Variants in TTLL12 observed in about 807,000 individuals in gnomAD.
TTLL12 encodes tubulin--tyrosine ligase-like protein 12.
TTLL12 carries 77 observed loss-of-function variants against 79.6 expected under a neutral mutation model. The ratio of observed to expected loss-of-function variants is 0.97; its 90% CI spans 0.81 to 1.17. The LOEUF (loss-of-function observed/expected upper bound fraction) is 1.17, where lower values mean the gene tolerates loss of function less well. TTLL12 is among the 50% of genes most tolerant of loss of function. The probability of loss-of-function intolerance (pLI) is 0.00; values close to 1 mark genes in which losing one functional copy is unlikely to be tolerated. For synonymous variants in TTLL12, 437 were observed against 376.1 expected (o/e 1.16, Z -1.87); for missense variants, 969 against 895.9 (o/e 1.08, Z -1.04).
Position 43,186,956 on chromosome 22 carries a change from C to T in TTLL12, c.114G>A (p.Ala38=). The T allele has an allele frequency of 7.4e-7, 1 of 1,350,264 alleles. No homozygotes were observed. Among genetic ancestry groups the T allele is most frequent in the South Asian group, 1.7e-5 (1 of 59,686 alleles). 83.6% of individuals were successfully genotyped at this position (1,350,264 alleles called of 1,614,324 possible). ...LAEFAALHGP[A]LRASGVPERY... ...GTTCGGGGACCCCCGAAGCGCGCAGCGCCGGGCCGTGCAGCGCCGCGAACT... is the reference window on the plus strand; with the variant it reads ...GTTCGGGGACCCCCGAAGCGCGCAGTGCCGGGCCGTGCAGCGCCGCGAACT... The change falls in exon 1 of 14, where the codon GCG becomes GCA. Residue 38 remains alanine (A), a synonymous_variant. Coordinates refer to ENST00000216129, the MANE Select transcript of TTLL12 (RefSeq NM_015140.4).
chr22:43,180,850 G>A lies in TTLL12; in HGVS notation c.438C>T (p.Ala146=), dbSNP rs760588948. Residue 146 remains alanine (A), a synonymous_variant, in exon 3 of 14, where the codon GCC becomes GCT. Transcript: ENST00000216129. The stretch of plus-strand genomic sequence containing the variant: ...CGTGGAACTCAATGCCCATCAGGTT[G>A]GCCATGCGGTGCAGCAGCCCGGGCA... The part of the protein sequence containing the change: ...QQVPGLLHRM[A]NLMGIEFHGE... 12 of 1,612,962 alleles carry A rather than the reference G, an allele frequency of 7.4e-6. No homozygotes were observed. In the East Asian group the frequency reaches 2.7e-4, roughly 36 times the overall value.
intron 5 of TTLL12, among the ~76,000 whole-genome samples, chr22:43,178,505 T>C (rs979088700): frequency 2.0e-5 from 3 of 152,038 alleles, no homozygotes; most frequent in Non-Finnish European, 4.4e-5. Context: ...ATATTTTTAG[T>C]AGAGACGGGG....
In TTLL12 at chr22:43,167,632, C is replaced by T. The variant is rs1032578887; in HGVS notation, c.*376G>A. On this transcript the variant is annotated 3_prime_UTR_variant, in exon 14 of 14. Coordinates refer to ENST00000216129, the MANE Select transcript of TTLL12 (RefSeq NM_015140.4). ...CCCTGCTCCCGAGGACACCTTGTCT[C>T]GCTCCACGGAACCCTTCCCCCAGCA... 23 of 195,540 alleles carry T rather than the reference C, an allele frequency of 1.2e-4. No individual in the cohort carries two copies. The highest frequency in any genetic ancestry group is 3.9e-4 in the Admixed American group (7 of 17,970). 12.1% of individuals were successfully genotyped at this position (195,540 alleles called of 1,614,324 possible).
rs3985927 is a variant in TTLL12, at chr22:43,185,247, TTATA to T, written c.177+1642_177+1645del. The stretch of plus-strand genomic sequence containing the variant: ...CGTCTCAATTAAAAAAAGAAAAAAA[TTATA>T]TATATATATATATATATATATATAT... On this transcript the variant is annotated intron_variant, in intron 1 of 13. Transcript: ENST00000216129. Among the ~76,000 whole-genome samples, 583 of 114,870 alleles carry T rather than the reference TTATA, an allele frequency of 5.1e-3. 1 individual carries two copies. Among genetic ancestry groups the T allele is most frequent in the East Asian group, 9.3e-3 (27 of 2,902 alleles). 75.4% of individuals were successfully genotyped at this position (114,870 alleles called of 152,430 possible).
rs1270969730 is a variant in TTLL12 at position 43,167,396 on chromosome 22, G to A, written c.*612C>T. On this transcript the variant is annotated 3_prime_UTR_variant, in exon 14 of 14. Coordinates refer to ENST00000216129, the MANE Select transcript of TTLL12 (RefSeq NM_015140.4). ...CCTCAGCAGGAGGTTTGCTGGTGAA[G>A]GTTCTGGGTGAGCTGGAATGGGTGA... 1 of 307,604 alleles carries A rather than the reference G, an allele frequency of 3.3e-6. No homozygotes were observed. Among genetic ancestry groups the A allele is most frequent in the Non-Finnish European group, 6.5e-6 (1 of 154,026 alleles). The allele number at this position is 307,604 out of a possible 1,614,324, so 19.1% of individuals were successfully genotyped here. A position where few individuals can be genotyped will look rare whatever the true frequency, so the allele number is the denominator to read the frequency against.
chr22:43,172,507 G>A lies in TTLL12; in HGVS notation c.1389C>T (p.Asp463=), dbSNP rs959039107. Residue 463 remains aspartate (D), a synonymous_variant, in exon 10 of 14, where the codon GAC becomes GAT. Coordinates refer to ENST00000216129, the MANE Select transcript of TTLL12 (RefSeq NM_015140.4). ...IESPVLFLRE[D]VGKVKFDIRY... is the part of the protein sequence containing the mutation. ...GGATGTCGAACTTGACCTTTCCCAC[G>A]TCTTCTCGAAGGAACAACACGGGAC... 2.2e-5 allele frequency: 35 copies of A among 1,613,940 alleles called. No individual in the cohort carries two copies. Among genetic ancestry groups the A allele is most frequent in the Admixed American group, 5.0e-5 (3 of 59,998 alleles).
Position 43,174,416 on chromosome 22 carries a change from G to A in TTLL12, c.1035-13C>T. On this transcript the variant is annotated splice_polypyrimidine_tract_variant and intron_variant, in intron 7 of 13. Coordinates refer to ENST00000216129, the MANE Select transcript of TTLL12 (RefSeq NM_015140.4). ...CTGGCTGAGTTTCCTGCAGGGCGGA[G>A]GCAGGTGCGCCAGCTCAAGGGGAGG... 3.2e-6 allele frequency: 5 copies of A among 1,560,020 alleles called. No homozygotes were observed. The highest frequency in any genetic ancestry group is 4.4e-6 in the Non-Finnish European group (5 of 1,148,702).
At chr22:43,170,653 G>GT (rs1422907613) in intron 11 of TTLL12, among the ~76,000 whole-genome samples, 1 of 152,248 alleles carries the variant, frequency 6.6e-6, no homozygotes, top group Non-Finnish European at 1.5e-5. Flanking sequence ...GCTCACGCCT[G>GT]TAATCCCAGC....
Position 43,167,250 on chromosome 22 carries a change from C to T in TTLL12, c.*758G>A, listed in dbSNP as rs373423108. On this transcript the variant is annotated 3_prime_UTR_variant, in exon 14 of 14. Transcript: ENST00000216129. ...CCCATCTCACACAAGGGCGGGACCCCGTGGAGTGCCCGGCGAGCAGGGCAA... is the reference window on the plus strand; with the variant it reads ...CCCATCTCACACAAGGGCGGGACCCTGTGGAGTGCCCGGCGAGCAGGGCAA... 3.8e-4 allele frequency: 196 copies of T among 520,120 alleles called. 1 individual carries two copies. The highest frequency in any genetic ancestry group is 8.5e-4 in the South Asian group (59 of 69,232). 32.2% of individuals were successfully genotyped at this position (520,120 alleles called of 1,614,324 possible). A position where few individuals can be genotyped will look rare whatever the true frequency, so the allele number is the denominator to read the frequency against.
At chr22:43,186,099 G>A in intron 1 of TTLL12, 1 of 772,532 alleles carries the variant, frequency 1.3e-6, no homozygotes, top group Non-Finnish European at 1.6e-6. Context: ...CTTGGCTCTG[G>A]GGTTTCCACT....
At chr22:43,172,610 C>T (rs1281294137) in intron 9 of TTLL12, 56 bp from the exon 10 acceptor site, 1 of 1,604,628 alleles carries the variant, frequency 6.2e-7, no homozygotes, top group African/African-American at 1.3e-5. Context: ...CCTGGGGCTC[C>T]CGAGCACACA....
At chr22:43,180,157 C>A (rs1041927894) in intron 3 of TTLL12, among the ~76,000 whole-genome samples, 157 bp from the exon 4 acceptor site, 1 of 152,132 alleles carries the variant, frequency 6.6e-6, no homozygotes, top group Non-Finnish European at 1.5e-5. Context: ...CTAGGGGCTC[C>A]GGGACAGCAG....
chr22:43,186,069 T>C, intron 1 of TTLL12: 4 of 964,978 alleles, frequency 4.1e-6, no homozygotes, highest in Non-Finnish European at 4.9e-6. Context: ...GACTCCTAGT[T>C]CCCGGCCCGG....
intron 1 of TTLL12, among the ~76,000 whole-genome samples, chr22:43,186,227 C>T (rs991991483): frequency 4.1e-5 from 6 of 145,480 alleles, no homozygotes; most frequent in African/African-American, 1.5e-4. Context: ...GCTGTGGCCT[C>T]AGCCTCTGGG....
intron 8 of TTLL12, 135 bp downstream of exon 8, chr22:43,174,074 G>A (rs1569484434): frequency 2.1e-5 from 26 of 1,241,254 alleles, no homozygotes; most frequent in African/African-American, 3.0e-5. Flanking sequence ...GAAGACGGCC[G>A]TGACGTTCGG....
intron 9 of TTLL12, 121 bp from the exon 10 acceptor site, chr22:43,172,675 C>T (rs1931797937): frequency 9.5e-7 from 1 of 1,048,800 alleles, no homozygotes; most frequent in African/African-American, 1.6e-5. Flanking sequence ...TCTGCCTTTT[C>T]AAACCTGCCT....
rs1932199441 is a variant in TTLL12 at position 43,186,919 on chromosome 22, G to A, written c.151C>T (p.Arg51Cys). The stretch of plus-strand genomic sequence containing the variant: ...TCGTGCTCCAGCTTGTGCAGGAGGC[G>A]GCCCCAGTAACGTTCGGGGACCCCC... Reference protein sequence around the residue: ...ASGVPERYWGRLLHKLEHEVF... With the variant: ...ASGVPERYWGCLLHKLEHEVF... Residue 51 changes from arginine (R) to cysteine (C), a missense_variant, in exon 1 of 14, where the codon CGC (arginine) becomes TGC (cysteine). By Grantham distance (180) the Arg-to-Cys change is radical (BLOSUM62 -3). Transcript: ENST00000216129. 7.4e-7 allele frequency: 1 copy of A among 1,358,084 alleles called. No individual in the cohort carries two copies. Among genetic ancestry groups the A allele is most frequent in the Non-Finnish European group, 9.5e-7 (1 of 1,052,904 alleles). The allele number at this position is 1,358,084 out of a possible 1,614,324, so 84.1% of individuals were successfully genotyped here.
chr22:43,185,759 G>A (rs537400136), intron 1 of TTLL12, among the ~76,000 whole-genome samples: 4 of 152,346 alleles, frequency 2.6e-5, no homozygotes, highest in Non-Finnish European at 5.9e-5. Context: ...TGCTGCCGTG[G>A]AGGCTGGCTG....
intron 1 of TTLL12, among the ~76,000 whole-genome samples, chr22:43,184,427 T>C (rs1422861345): frequency 7.9e-5 from 12 of 152,182 alleles, no homozygotes. Context: ...GAAGACTTTA[T>C]GGATGAGGAA....
Sources: gnomAD v4.1 joint callset for allele counts (sites outside exome capture counted in the v4.1 genomes callset) on GRCh38, gnomAD v4.1.1 for gene constraint, MANE v1.5 for transcripts, NCBI Gene and HGNC (gene_info 2026-07-23, HGNC 2026-07-21) for gene names.